Variants in GRHL1 observed in about 807,000 individuals in gnomAD.
The protein encoded by GRHL1 is grainyhead like transcription factor 1.
A neutral mutation model predicts 75.7 loss-of-function variants in GRHL1; 38 were observed. The ratio of observed to expected loss-of-function variants is 0.50; its 90% confidence interval spans 0.39 to 0.66. The LOEUF is 0.66. Among genes scored for constraint, GRHL1 ranks in the 30% least tolerant of loss-of-function variants. The probability of loss-of-function intolerance (pLI) is 0.00; values close to 1 mark genes in which losing one functional copy is unlikely to be tolerated. For missense variants in GRHL1, 589 were observed against 767.5 expected, an observed-to-expected ratio of 0.77 and a Z score of 2.75; for synonymous variants, 266 against 279.4, an observed-to-expected ratio of 0.95 and a Z score of 0.48.
At position 9,961,250 on chromosome 2, in the gene GRHL1, C is replaced by A. The variant is rs766254174; in HGVS notation, c.483C>A (p.Thr161=). The A allele has an allele frequency of 6.2e-7, 1 of 1,614,166 alleles. No individual in the cohort carries two copies. Residue 161 remains threonine, a synonymous_variant, in exon 4 of 16, where the codon ACC becomes ACA. Transcript: ENST00000324907. ...CTACCCACTCCATCAAGACAGAAAC[C>A]CAGCCACATGGCTTCGCTGTGGGAA... The part of the protein sequence containing the change: ...TMPTHSIKTE[T]QPHGFAVGIP...
At chr2:9,979,045 A>G (rs1572365985) in intron 8 of GRHL1, among the ~76,000 whole-genome samples, 1 of 150,448 alleles carries the variant, frequency 6.6e-6, no homozygotes, top group African/African-American at 2.4e-5. Flanking sequence ...CTGTAATCCT[A>G]GCTACTCAGG....
At chr2:9,972,823 A>G (rs1320488822) in intron 8 of GRHL1, among the ~76,000 whole-genome samples, 1 of 152,216 alleles carries the variant, frequency 6.6e-6, no homozygotes, top group Non-Finnish European at 1.5e-5. Context: ...GCTCCTGCTT[A>G]CAGGACCGTG....
chr2:9,957,512 C>T (rs1667084887), intron 2 of GRHL1, among the ~76,000 whole-genome samples: 2 of 151,732 alleles, frequency 1.3e-5, no homozygotes, highest in South Asian at 4.2e-4. Context: ...TGGGTTCAAG[C>T]AATTCTCCTG....
intron 13 of GRHL1, 89 bp from the exon 14 acceptor site, chr2:9,996,227 C>T (rs1420486531): frequency 7.7e-6 from 7 of 907,280 alleles, no homozygotes; most frequent in East Asian, 2.4e-5. Flanking sequence ...TAGCTGGTAC[C>T]GTGGTCTGTT....
At chr2:9,970,450 G>T (rs1667676744) in intron 8 of GRHL1, among the ~76,000 whole-genome samples, 1 of 146,788 alleles carries the variant, frequency 6.8e-6, no homozygotes, top group South Asian at 2.1e-4. Flanking sequence ...TTTGGAACTT[G>T]GTTGCTTTGG....
intron 1 of GRHL1, among the ~76,000 whole-genome samples, chr2:9,952,290 C>T (rs1370374644): frequency 6.6e-6 from 1 of 152,196 alleles, no homozygotes; most frequent in East Asian, 1.9e-4. Flanking sequence ...AGGTGGACTT[C>T]TCCAGGTAAT....
chr2:9,996,183 C>A, intron 13 of GRHL1, 133 bp from the exon 14 acceptor site: 1 of 729,470 alleles, frequency 1.4e-6, no homozygotes, highest in South Asian at 1.6e-5. Context: ...TTGGCTGATG[C>A]TTGTCATCCT....
At chr2:9,956,995 TCTTC>T (rs1482191868) in intron 2 of GRHL1, among the ~76,000 whole-genome samples, 21 of 137,858 alleles carry the variant, frequency 1.5e-4, no homozygotes, top group African/African-American at 5.2e-4. Context: ...TTCTTCTTCT[TCTTC>T]TTCTTTTTTT....
At chr2:9,995,428 C>G (rs1453444361) in intron 12 of GRHL1, 3 of 152,378 alleles carry the variant, frequency 2.0e-5, no homozygotes, top group African/African-American at 7.3e-5. Context: ...CCCATCTCTA[C>G]AAAAATAAAA....
intron 9 of GRHL1, among the ~76,000 whole-genome samples, chr2:9,989,132 T>C (rs900546530): frequency 6.6e-6 from 1 of 152,204 alleles, no homozygotes; most frequent in Non-Finnish European, 1.5e-5. Context: ...AAGCAGGTTG[T>C]ATATTTACTA....
At chr2:9,977,769 C>A (rs1441769862) in intron 8 of GRHL1, among the ~76,000 whole-genome samples, 2 of 152,180 alleles carry the variant, frequency 1.3e-5, no homozygotes, top group Non-Finnish European at 2.9e-5. Context: ...AGGTGATGAC[C>A]TTGACCGAGG....
At chr2:9,991,713 C>T (rs368547028) in intron 10 of GRHL1, among the ~76,000 whole-genome samples, 2 of 152,200 alleles carry the variant, frequency 1.3e-5, no homozygotes, top group South Asian at 2.1e-4. Context: ...CCAATGAAAA[C>T]TAAATACGCT....
In GRHL1 at chr2:9,951,885, G is replaced by T. The variant is rs776312551; in HGVS notation, c.20+32G>T. 3.5e-6 allele frequency: 5 copies of T among 1,421,046 alleles called. No individual in the cohort carries two copies. Among genetic ancestry groups the T allele is most frequent in the Non-Finnish European group, 4.7e-6 (5 of 1,072,640 alleles). The allele number at this position is 1,421,046 out of a possible 1,614,324, so 88.0% of individuals were successfully genotyped here. ...GAGGCGCAGGAGTCCGGCCGCCGCG[G>T]GGGGGCCGCGCTGAGGGGCCGCACC... On this transcript the variant is annotated intron_variant, in intron 1 of 15. Coordinates refer to ENST00000324907, the MANE Select transcript of GRHL1 (RefSeq NM_198182.3). The surrounding 1 kb of genome is among the most constrained non-coding windows in gnomAD (Gnocchi z 4.2).
chr2:9,971,467 G>C (rs2125220656), intron 8 of GRHL1, among the ~76,000 whole-genome samples: 1 of 152,310 alleles, frequency 6.6e-6, no homozygotes, highest in African/African-American at 2.4e-5. Context: ...TGAAGGAGAA[G>C]AGGCTTTTAG....
intron 9 of GRHL1, 41 bp downstream of exon 9, chr2:9,986,323 C>T (rs1482083339): frequency 6.6e-7 from 1 of 1,511,626 alleles, no homozygotes; most frequent in Non-Finnish European, 9.0e-7. Context: ...GTTTGAGACA[C>T]ACTCATGGAA....
At position 9,987,717 on chromosome 2, in the gene GRHL1, T is replaced by A. The variant is rs906975839; in HGVS notation, c.1269+1435T>A. On this transcript the variant is annotated intron_variant, in intron 9 of 15. Coordinates refer to ENST00000324907, the MANE Select transcript of GRHL1 (RefSeq NM_198182.3). This position sits in a 1 kb window ranked among gnomAD's most constrained non-coding sequence, Gnocchi z 4.2. ...CCCAGTGCAGAGCCAGGGGCTGAGC[T>A]GGATTCAATGCAGGGAGAGTCTGGA... Among the ~76,000 whole-genome samples the A allele has an allele frequency of 6.6e-6, 1 of 152,148 alleles. No individual in the cohort carries two copies. Among genetic ancestry groups the A allele is most frequent in the Non-Finnish European group, 1.5e-5 (1 of 68,030 alleles).
chr2:9,966,703 G>A (rs539176002), intron 8 of GRHL1, among the ~76,000 whole-genome samples: 1 of 152,120 alleles, frequency 6.6e-6, no homozygotes, highest in East Asian at 1.9e-4. Flanking sequence ...TGGGTCTTGA[G>A]AGCCATGTTC....
At chr2:9,969,967 C>T (rs748960317) in intron 8 of GRHL1, among the ~76,000 whole-genome samples, 5 of 151,932 alleles carry the variant, frequency 3.3e-5, no homozygotes, top group Non-Finnish European at 5.9e-5. Context: ...CTCAGCCTCC[C>T]GAGTAGCTGG....
chr2:9,971,365 G>A (rs761903836), intron 8 of GRHL1, among the ~76,000 whole-genome samples: 11 of 152,128 alleles, frequency 7.2e-5, no homozygotes, highest in Non-Finnish European at 1.5e-4. Context: ...TCCTACTTGC[G>A]ATTGCAAATG....
Sources: gnomAD v4.1 joint callset for allele counts (sites outside exome capture counted in the v4.1 genomes callset) on GRCh38, gnomAD v4.1.1 for gene constraint, Gnocchi (gnomAD v3.1) non-coding constraint, MANE v1.5 for transcripts, NCBI Gene and HGNC (gene_info 2026-07-23, HGNC 2026-07-21) for gene names.